ASCC3: variants seen among roughly 807,000 people sequenced by gnomAD.
ASCC3 encodes activating signal cointegrator 1 complex subunit 3, also known as ASC-1 complex subunit P200.
A neutral mutation model predicts 256.3 loss-of-function variants in ASCC3; 158 were observed. That is an observed-to-expected ratio of 0.62 (90% CI 0.54 to 0.70). The LOEUF (loss-of-function observed/expected upper bound fraction) is 0.70. Among genes scored for constraint, ASCC3 ranks in the 30% least tolerant of loss-of-function variants. The probability of loss-of-function intolerance (pLI) is 0.00; values close to 1 mark genes in which losing one functional copy is unlikely to be tolerated. For synonymous variants in ASCC3, 948 were observed against 883.4 expected, an observed-to-expected ratio of 1.07 and a Z score of -1.30; for missense variants, 2,259 against 2,626.0, an observed-to-expected ratio of 0.86 and a Z score of 3.05.
At chr6:100,799,781 C>T (rs976858200) in intron 6 of ASCC3, among the ~76,000 whole-genome samples, 8 of 152,064 alleles carry the variant, frequency 5.3e-5, no homozygotes, top group African/African-American at 1.2e-4. Context: ...TTATAGATAA[C>T]ACCACTTGGT....
intron 13 of ASCC3, among the ~76,000 whole-genome samples, chr6:100,708,914 A>C (rs555024255): frequency 4.6e-5 from 7 of 152,022 alleles, no homozygotes; most frequent in Non-Finnish European, 1.0e-4. Flanking sequence ...TGTGCAATAC[A>C]TGTGTTATTG....
chr6:100,856,433 A>T, intron 3 of ASCC3: 1 of 974,646 alleles, frequency 1.0e-6, no homozygotes, highest in East Asian at 1.1e-4. Context: ...GTTACTTATC[A>T]ATCTGAAATA....
At chr6:100,519,910 A>G (rs1473249926) in intron 37 of ASCC3, among the ~76,000 whole-genome samples, 1 of 152,194 alleles carries the variant, frequency 6.6e-6, no homozygotes, top group Non-Finnish European at 1.5e-5. Flanking sequence ...AAAAAGCCAT[A>G]TAATAAATAG....
chr6:100,586,365 G>A (rs1052286316), intron 36 of ASCC3, among the ~76,000 whole-genome samples: 3 of 152,178 alleles, frequency 2.0e-5, no homozygotes, highest in Non-Finnish European at 2.9e-5. Context: ...GTGAGACTCC[G>A]TGGGCGTAGG....
At chr6:100,585,565 C>G (rs1177652553) in intron 36 of ASCC3, among the ~76,000 whole-genome samples, 1 of 152,210 alleles carries the variant, frequency 6.6e-6, no homozygotes, top group Non-Finnish European at 1.5e-5. Context: ...CGTCTGAAGA[C>G]TTCTTCTCTC....
At chr6:100,877,086 C>T (rs952225152) in intron 1 of ASCC3, among the ~76,000 whole-genome samples, 1 of 152,096 alleles carries the variant, frequency 6.6e-6, no homozygotes, top group Non-Finnish European at 1.5e-5. Flanking sequence ...TAAAGATGGT[C>T]TGACTGCTTG....
Position 100,766,849 on chromosome 6 carries a change from GTCTTA to G in ASCC3, c.1597-149_1597-145del. The G allele has an allele frequency of 3.9e-6, 4 of 1,032,942 alleles. No homozygotes were observed. In the South Asian group the frequency reaches 6.0e-5, roughly 15 times the overall value. 64.0% of individuals were successfully genotyped at this position (1,032,942 alleles called of 1,614,324 possible). On this transcript the variant is annotated intron_variant, in intron 9 of 41. Transcript: ENST00000369162. ...AAATCTTAATAGTGATATATTAAAAGTCTTATCTTTGTGAGATATGTGTGTAGCTG... is the reference window on the plus strand; with the variant it reads ...AAATCTTAATAGTGATATATTAAAAGTCTTTGTGAGATATGTGTGTAGCTG...
intron 36 of ASCC3, among the ~76,000 whole-genome samples, chr6:100,589,315 C>T (rs1771865348): frequency 6.6e-6 from 1 of 152,060 alleles, no homozygotes; most frequent in Admixed American, 6.6e-5. Context: ...AGCTTTCAAT[C>T]ATAATTCAAA....
intron 33 of ASCC3, among the ~76,000 whole-genome samples, chr6:100,603,442 C>A (rs1772729166): frequency 6.6e-6 from 1 of 152,028 alleles, no homozygotes. Context: ...ACTTCCATTT[C>A]TTTTTGTTAC....
At chr6:100,782,260 A>T (rs1365537733) in intron 8 of ASCC3, among the ~76,000 whole-genome samples, 2 of 152,186 alleles carry the variant, frequency 1.3e-5, no homozygotes, top group Non-Finnish European at 2.9e-5. Flanking sequence ...GTGCTTTTAA[A>T]GAATAGAAAA....
chr6:100,622,390 C>G (rs1774002252), intron 30 of ASCC3, among the ~76,000 whole-genome samples: 1 of 152,144 alleles, frequency 6.6e-6, no homozygotes, highest in Non-Finnish European at 1.5e-5. Flanking sequence ...TTGCTCAGCA[C>G]TTCCACTACC....
intron 36 of ASCC3, among the ~76,000 whole-genome samples, chr6:100,562,442 G>C (rs1236054071): frequency 6.6e-6 from 1 of 151,990 alleles, no homozygotes; most frequent in Non-Finnish European, 1.5e-5. Context: ...TTAATCAGTA[G>C]GTAGATTTTT....
chr6:100,548,645 T>G (rs772025522), intron 36 of ASCC3, among the ~76,000 whole-genome samples: 1 of 151,834 alleles, frequency 6.6e-6, no homozygotes, highest in Admixed American at 6.6e-5. Flanking sequence ...AAGAGATACA[T>G]GGAAACATGA....
In ASCC3 at chr6:100,848,031, T is replaced by A. The variant is rs543992340; in HGVS notation, c.801+117A>T. ...CTATGTGAAACCATTTGGCTATAGA[T>A]TCAACTACTATACAGAACATTAAAG... On this transcript the variant is annotated intron_variant, in intron 4 of 41. Transcript: ENST00000369162. 4.1e-4 allele frequency: 425 copies of A among 1,026,100 alleles called. 1 individual carries two copies. Among genetic ancestry groups the A allele is most frequent in the Non-Finnish European group, 5.4e-4 (395 of 729,648 alleles). 63.6% of individuals were successfully genotyped at this position (1,026,100 alleles called of 1,614,324 possible). A position where few individuals can be genotyped will look rare whatever the true frequency, so the allele number is the denominator to read the frequency against.
At chr6:100,672,842 C>T (rs949450125) in intron 14 of ASCC3, among the ~76,000 whole-genome samples, 1 of 151,976 alleles carries the variant, frequency 6.6e-6, no homozygotes, top group Non-Finnish European at 1.5e-5. Context: ...TACTTCAATT[C>T]ACTATAAACA....
Position 100,696,554 on chromosome 6 carries a change from A to G in ASCC3, c.2152-16802T>C, listed in dbSNP as rs1778091065. 2.0e-5 allele frequency among the ~76,000 whole-genome samples: 3 copies of G among 151,980 alleles called. No individual in the cohort carries two copies. In the South Asian group the frequency reaches 6.2e-4, roughly 32 times the overall value. The stretch of plus-strand genomic sequence containing the variant: ...GGAAAGAAGCTAATAAGGAGATTCA[A>G]TACATCATTCTCTAGAATGAAATAA... On this transcript the variant is annotated intron_variant, in intron 13 of 41. Transcript: ENST00000369162.
intron 8 of ASCC3, among the ~76,000 whole-genome samples, chr6:100,787,090 C>A (rs1442719928): frequency 6.6e-6 from 1 of 152,038 alleles, no homozygotes; most frequent in African/African-American, 2.4e-5. Context: ...CTAGTTTAAT[C>A]CTTTCCCCTC....
Position 100,629,298 on chromosome 6 carries a change from A to G in ASCC3, c.4209-117T>C, listed in dbSNP as rs545454914. 61 of 940,968 alleles carry G rather than the reference A, an allele frequency of 6.5e-5. 1 individual carries two copies. In the South Asian group the frequency reaches 9.3e-4, roughly 14 times the overall value. The allele number at this position is 940,968 out of a possible 1,614,324, so 58.3% of individuals were successfully genotyped here. A position where few individuals can be genotyped will look rare whatever the true frequency, so the allele number is the denominator to read the frequency against. ...TATAAGGCTTAAAATTACTTTATCT[A>G]CCTTTGATTTTTGAAATTTTCCAAG... On this transcript the variant is annotated intron_variant, in intron 26 of 41. Coordinates refer to ENST00000369162, the MANE Select transcript of ASCC3 (RefSeq NM_006828.4).
At chr6:100,516,784 T>C (rs187114830) in intron 38 of ASCC3, among the ~76,000 whole-genome samples, 1 of 152,246 alleles carries the variant, frequency 6.6e-6, no homozygotes, top group East Asian at 1.9e-4. Flanking sequence ...TAAGTAGTGC[T>C]AGATCCCAGA....
Sources: allele counts gnomAD v4.1 joint callset (sites outside exome capture counted in the v4.1 genomes callset), GRCh38; gene constraint gnomAD v4.1.1; transcripts MANE v1.5; gene names NCBI Gene and HGNC (gene_info 2026-07-23, HGNC 2026-07-21).